Variants in ABCB1 observed in about 807,000 individuals in gnomAD.
ABCB1 encodes the protein ATP-dependent translocase ABCB1.
ABCB1 carries 69 observed loss-of-function variants against 142.0 expected under a neutral mutation model. The ratio of observed to expected loss-of-function variants is 0.49; its 90% CI spans 0.40 to 0.59. The LOEUF is 0.59. Among genes scored for constraint, ABCB1 ranks in the 20% least tolerant of loss-of-function variants. The pLI is 0.00. For synonymous variants in ABCB1, 532 were observed against 539.2 expected (o/e 0.99, Z 0.18); for missense variants, 1,326 against 1,554.7 (o/e 0.85, Z 2.47).
At chr7:87,598,429 C>T (rs1584913154) in intron 2 of ABCB1, among the ~76,000 whole-genome samples, 1 of 152,114 alleles carries the variant, frequency 6.6e-6, no homozygotes, top group Non-Finnish European at 1.5e-5. Flanking sequence ...GTGAGAGATA[C>T]CAGGTCTGAT....
chr7:87,520,993 A>C, intron 21 of ABCB1, 117 bp from the exon 22 acceptor site: 2 of 794,114 alleles, frequency 2.5e-6, no homozygotes, highest in Non-Finnish European at 4.2e-6. Context: ...ATTATTATGT[A>C]TGAGCATTTT....
At position 87,626,429 on chromosome 7, in the gene ABCB1, G is replaced by GTATGTGTCATATATATGTGTCATATA. The variant is rs1554444362; in HGVS notation, c.-330-25352_-330-25351insTATATGACACATATATATGACACATA. Among the ~76,000 whole-genome samples the GTATGTGTCATATATATGTGTCATATA allele has an allele frequency of 5.5e-4, 8 of 14,432 alleles. 3 individuals are homozygous for GTATGTGTCATATATATGTGTCATATA. Among genetic ancestry groups the GTATGTGTCATATATATGTGTCATATA allele is most frequent in the Non-Finnish European group, 7.6e-4 (8 of 10,586 alleles). 9.5% of individuals were successfully genotyped at this position (14,432 alleles called of 152,430 possible). On this transcript the variant is annotated intron_variant, in intron 1 of 28. Transcript: ENST00000265724. The stretch of plus-strand genomic sequence containing the variant: ...TATGTGTCATATATATGTGTCATAT[G>GTATGTGTCATATATATGTGTCATATA]TATGTGTCATATATGTGTCATATAT...
At chr7:87,639,016 A>G (rs1822147024) in intron 1 of ABCB1, among the ~76,000 whole-genome samples, 1 of 151,978 alleles carries the variant, frequency 6.6e-6, no homozygotes, top group East Asian at 1.9e-4. Context: ...GCCAGGCGTG[A>G]TGGCAGGCGC....
Position 87,553,805 on chromosome 7 carries a change from T to C in ABCB1, c.955A>G (p.Thr319Ala), listed in dbSNP as rs1045385582. Residue 319 changes from threonine (T) to alanine (A), a missense_variant, in exon 9 of 28, where the codon ACC becomes GCC. Transcript: ENST00000622132. Reference sequence around the variant, plus strand: ...GAATATTCCCCTGAGAGGACCAAGGTGGTCCCATACCAGAAGGCCAGAGCA... The same window carrying C: ...GAATATTCCCCTGAGAGGACCAAGGCGGTCCCATACCAGAAGGCCAGAGCA... ...SYALAFWYGT[T>A]LVLSGEYSIG... The C allele has an allele frequency of 1.2e-6, 2 of 1,614,024 alleles. No individual in the cohort carries two copies. Among genetic ancestry groups the C allele is most frequent in the East Asian group, 2.2e-5 (1 of 44,890 alleles).
At chr7:87,598,511 C>A (rs1028394840) in intron 2 of ABCB1, among the ~76,000 whole-genome samples, 1 of 152,158 alleles carries the variant, frequency 6.6e-6, no homozygotes, top group Non-Finnish European at 1.5e-5. Flanking sequence ...AGTAAACATT[C>A]TGAAGAAAAT....
At chr7:87,686,323 A>G (rs149810226) in intron 1 of ABCB1, among the ~76,000 whole-genome samples, 2,366 of 152,330 alleles carry the variant, frequency 0.016, 40 homozygotes, top group South Asian at 0.023. Flanking sequence ...AATTGTGTGT[A>G]CTAATGTCAT....
chr7:87,684,094 T>C (rs1325933300), intron 1 of ABCB1, among the ~76,000 whole-genome samples: 1 of 152,136 alleles, frequency 6.6e-6, no homozygotes, highest in Non-Finnish European at 1.5e-5. Context: ...TCAACTTTAA[T>C]TCATGTTAAA....
chr7:87,560,145 G>A (rs1366113074), intron 8 of ABCB1, among the ~76,000 whole-genome samples: 1 of 151,890 alleles, frequency 6.6e-6, no homozygotes, highest in Non-Finnish European at 1.5e-5. Context: ...TGAGAGCCGG[G>A]GATTTATTTC....
At chr7:87,665,368 A>G (rs1464878886) in intron 1 of ABCB1, among the ~76,000 whole-genome samples, 1 of 152,158 alleles carries the variant, frequency 6.6e-6, no homozygotes, top group Non-Finnish European at 1.5e-5. Context: ...ACTTAGGAGG[A>G]AATTCAGGCA....
chr7:87,536,632 C>G, intron 19 of ABCB1, 91 bp from the exon 20 acceptor site: 1 of 1,052,346 alleles, frequency 9.5e-7, no homozygotes, highest in East Asian at 2.4e-5. Context: ...TTTGTTTATA[C>G]TTATACCCCC....
At chr7:87,605,941 A>T (rs1819635072) in intron 1 of ABCB1, among the ~76,000 whole-genome samples, 1 of 152,194 alleles carries the variant, frequency 6.6e-6, no homozygotes, top group African/African-American at 2.4e-5. Flanking sequence ...AGTAATGGAC[A>T]TTGAAAATAA....
chr7:87,710,428 A>T, intron 1 of ABCB1: 1 of 570,922 alleles, frequency 1.8e-6, no homozygotes, highest in Middle Eastern at 4.8e-4. Context: ...ACCTATTTTT[A>T]TCTACTTAAA....
upstream of ABCB1, among the ~76,000 whole-genome samples, chr7:87,605,401 T>C (rs1001942285): frequency 1.3e-5 from 2 of 152,216 alleles, no homozygotes; most frequent in Non-Finnish European, 2.9e-5. Flanking sequence ...CCCAAAGTGC[T>C]GGGATTATAG....
chr7:87,536,369 T>C lies in ABCB1; in HGVS notation c.2481+89A>G, dbSNP rs1034359883. On this transcript the variant is annotated intron_variant, in intron 20 of 27. Transcript: ENST00000622132. ...TTATTCAACATTTTCTTAATGATGATAACTAACACCCGTAAGGAGAAAATT... is the reference window on the plus strand; with the variant it reads ...TTATTCAACATTTTCTTAATGATGACAACTAACACCCGTAAGGAGAAAATT... 4.3e-5 allele frequency: 50 copies of C among 1,152,312 alleles called. 1 individual carries two copies. In the Middle Eastern group the frequency reaches 5.9e-4, roughly 14 times the overall value. The allele number at this position is 1,152,312 out of a possible 1,614,324, so 71.4% of individuals were successfully genotyped here.
At chr7:87,549,576 T>C in intron 13 of ABCB1, 58 bp from the exon 14 acceptor site, 1 of 1,612,998 alleles carries the variant, frequency 6.2e-7, no homozygotes, top group African/African-American at 1.3e-5. Flanking sequence ...AGCTCATATT[T>C]TAAATTGGTA....
intron 3 of ABCB1, among the ~76,000 whole-genome samples, chr7:87,593,200 T>C (rs1029577111): frequency 1.3e-5 from 2 of 152,206 alleles, no homozygotes; most frequent in African/African-American, 4.8e-5. Flanking sequence ...GTTCTGGGAT[T>C]ACAGGCGTGA....
intron 1 of ABCB1, chr7:87,627,826 G>A (rs928626774): frequency 2.0e-5 from 3 of 152,400 alleles, no homozygotes; most frequent in African/African-American, 7.2e-5. Context: ...CGGGCCGTCA[G>A]TCCCGGGTGC....
chr7:87,575,001 T>C (rs1818214762), intron 4 of ABCB1, among the ~76,000 whole-genome samples: 1 of 152,166 alleles, frequency 6.6e-6, no homozygotes, highest in Non-Finnish European at 1.5e-5. Flanking sequence ...GCCAGACCAT[T>C]TATCAAAATA....
At chr7:87,625,818 C>T (rs574225856) in intron 1 of ABCB1, among the ~76,000 whole-genome samples, 23 of 152,026 alleles carry the variant, frequency 1.5e-4, no homozygotes, top group Middle Eastern at 6.8e-3. Context: ...CACAAACATC[C>T]ATATATAGAA....
Sources: gnomAD v4.1 joint callset for allele counts (sites outside exome capture counted in the v4.1 genomes callset) on GRCh38, gnomAD v4.1.1 for gene constraint, MANE v1.5 for transcripts, NCBI Gene and HGNC (gene_info 2026-07-23, HGNC 2026-07-21) for gene names.